The following GTF2IRD1 variants were observed in gnomAD, a reference collection of about 807,000 sequenced individuals.
GTF2IRD1 encodes the protein general transcription factor II-I repeat domain-containing protein 1.
Under a neutral mutation model 113.2 loss-of-function variants are expected in GTF2IRD1, and 26 were observed. The ratio of observed to expected loss-of-function variants is 0.23; its 90% CI spans 0.17 to 0.32. The LOEUF (loss-of-function observed/expected upper bound fraction) is 0.32, where lower values mean the gene tolerates loss of function less well. Ranked by LOEUF, GTF2IRD1 falls within the 10% of genes least tolerant of loss-of-function variation. The probability of loss-of-function intolerance (pLI) is 1.00; values close to 1 mark genes in which losing one functional copy is unlikely to be tolerated. For missense variants in GTF2IRD1, 864 were observed against 1,280.8 expected (o/e 0.67, Z 4.97); for synonymous variants, 484 against 529.1 (o/e 0.91, Z 1.17).
chr7:74,593,341 C>T (rs1475091631), intron 24 of GTF2IRD1, among the ~76,000 whole-genome samples: 29 of 143,786 alleles, frequency 2.0e-4, no homozygotes, highest in African/African-American at 7.2e-4. Context: ...TTTGGGAGGC[C>T]GAGGTGGGTG....
In GTF2IRD1 at chr7:74,548,227, C is replaced by G. The variant is rs377732547; in HGVS notation, c.1916+941C>G. Reference sequence around the variant, plus strand: ...GGTCAGGAGATCGAGACCATCCTGGCTAACACGGTGAAACCCCGTCTCTAC... The same window carrying G: ...GGTCAGGAGATCGAGACCATCCTGGGTAACACGGTGAAACCCCGTCTCTAC... On this transcript the variant is annotated intron_variant, in intron 17 of 26. Coordinates refer to ENST00000424337, the MANE Select transcript of GTF2IRD1 (RefSeq NM_005685.4). Among the ~76,000 whole-genome samples, 946 of 151,692 alleles carry G rather than the reference C, an allele frequency of 6.2e-3. 15 individuals are homozygous for G. Among genetic ancestry groups the G allele is most frequent in the African/African-American group, 0.021 (871 of 41,320 alleles).
At chr7:74,503,856 C>T (rs1312752672) in intron 1 of GTF2IRD1, among the ~76,000 whole-genome samples, 2 of 152,200 alleles carry the variant, frequency 1.3e-5, no homozygotes, top group African/African-American at 4.8e-5. Context: ...GATCTCGTCA[C>T]CCAGGCAGTG....
At chr7:74,530,241 CT>C (rs1421044543) in intron 9 of GTF2IRD1, among the ~76,000 whole-genome samples, 1 of 152,074 alleles carries the variant, frequency 6.6e-6, no homozygotes, top group Non-Finnish European at 1.5e-5. Flanking sequence ...GCGTAGGGGT[CT>C]GGCCTTCTGC....
At chr7:74,521,040 C>G (rs2130298839) in intron 6 of GTF2IRD1, among the ~76,000 whole-genome samples, 168 bp from the exon 7 acceptor site, 1 of 152,088 alleles carries the variant, frequency 6.6e-6, no homozygotes, top group East Asian at 1.9e-4. Context: ...ATGTCTTAGA[C>G]CTCTGGTCAG....
intron 22 of GTF2IRD1, among the ~76,000 whole-genome samples, chr7:74,575,147 G>T (rs1245036716): frequency 6.6e-6 from 1 of 152,066 alleles, no homozygotes; most frequent in African/African-American, 2.4e-5. Context: ...GTGGGGCGGG[G>T]GGATAAACAG....
chr7:74,534,792 A>G (rs1798191700), intron 9 of GTF2IRD1, among the ~76,000 whole-genome samples: 1 of 151,400 alleles, frequency 6.6e-6, no homozygotes, highest in Admixed American at 6.6e-5. Context: ...AGTCCCAGCT[A>G]CTCAGGAGGC....
intron 22 of GTF2IRD1, among the ~76,000 whole-genome samples, chr7:74,561,041 A>G (rs1799928019): frequency 6.6e-6 from 1 of 152,022 alleles, no homozygotes; most frequent in Non-Finnish European, 1.5e-5. Flanking sequence ...GGCAAGCACT[A>G]AGGGCTGGCC....
chr7:74,521,868 G>T (rs188873790), intron 7 of GTF2IRD1, among the ~76,000 whole-genome samples: 1 of 152,176 alleles, frequency 6.6e-6, no homozygotes, highest in Non-Finnish European at 1.5e-5. Context: ...GGGACTGGCC[G>T]AGTTGGGCAG....
Position 74,547,209 on chromosome 7 carries a change from C to T in GTF2IRD1, c.1839C>T (p.Arg613=), listed in dbSNP as rs1228943864. Residue 613 remains arginine (R), a synonymous_variant, in exon 17 of 27, where the codon CGC becomes CGT. Transcript: ENST00000424337. ...VVGLPEGISL[R]RPNCFGIAKL... ...GACTGCCTGAAGGCATCTCCCTCCG[C>T]AGGCCCAACTGCTTCGGGATCGCCA... is the stretch of plus-strand genomic sequence containing the variant. 6.2e-7 allele frequency: 1 copy of T among 1,613,606 alleles called. No individual in the cohort carries two copies. Among genetic ancestry groups the T allele is most frequent in the Non-Finnish European group, 8.5e-7 (1 of 1,179,840 alleles).
At chr7:74,459,565 T>C (rs1793227679) in intron 1 of GTF2IRD1, among the ~76,000 whole-genome samples, 1 of 152,040 alleles carries the variant, frequency 6.6e-6, no homozygotes, top group East Asian at 1.9e-4. Context: ...TGAACAGAAC[T>C]CTCTCGCCCC....
intron 1 of GTF2IRD1, among the ~76,000 whole-genome samples, chr7:74,480,480 A>T (rs1224894356): frequency 2.0e-5 from 3 of 152,140 alleles, no homozygotes; most frequent in African/African-American, 4.8e-5. Flanking sequence ...CCTGCTGGAG[A>T]GTCCCCGCCG....
chr7:74,602,139 G>A (rs1312252639), intron 26 of GTF2IRD1: 1 of 369,002 alleles, frequency 2.7e-6, no homozygotes, highest in African/African-American at 2.1e-5. Flanking sequence ...CTACTCGGGA[G>A]GCTGAGGCAG....
At chr7:74,561,417 A>T (rs1306516250) in intron 22 of GTF2IRD1, among the ~76,000 whole-genome samples, 1 of 150,178 alleles carries the variant, frequency 6.7e-6, no homozygotes, top group Non-Finnish European at 1.5e-5. Context: ...GGGAACCCCC[A>T]GAAGGGGGAT....
intron 21 of GTF2IRD1, 144 bp from the exon 22 acceptor site, chr7:74,559,483 C>A: frequency 1.4e-6 from 1 of 693,562 alleles, no homozygotes; most frequent in Non-Finnish European, 2.5e-6. Flanking sequence ...CACACAGAGC[C>A]CCAGGGCAGC....
At chr7:74,472,630 T>C (rs1222983719) in intron 1 of GTF2IRD1, among the ~76,000 whole-genome samples, 1 of 152,168 alleles carries the variant, frequency 6.6e-6, no homozygotes, top group Non-Finnish European at 1.5e-5. Context: ...GGGGTGCCTG[T>C]AATCCCAGCT....
intron 6 of GTF2IRD1, among the ~76,000 whole-genome samples, chr7:74,520,704 G>A (rs1160636694): frequency 1.4e-5 from 2 of 145,086 alleles, no homozygotes; most frequent in Non-Finnish European, 3.0e-5. Context: ...GGCTGAGGTG[G>A]AAGGATTGCT....
rs587717089 is a variant in GTF2IRD1, at chr7:74,574,269, C to T, written c.2320+14614C>T. Among the ~76,000 whole-genome samples, 28 of 149,932 alleles carry T rather than the reference C, an allele frequency of 1.9e-4. No individual in the cohort carries two copies. In the South Asian group the frequency reaches 1.9e-3, roughly 10 times the overall value. ...CACCTGCCTCGACCTCCCAAAGTGCCGGGATTACTGGTGTGAGCCACTGAG... is the reference window on the plus strand; with the variant it reads ...CACCTGCCTCGACCTCCCAAAGTGCTGGGATTACTGGTGTGAGCCACTGAG... On this transcript the variant is annotated intron_variant, in intron 22 of 26. Coordinates refer to ENST00000424337, the MANE Select transcript of GTF2IRD1 (RefSeq NM_005685.4).
intron 19 of GTF2IRD1, among the ~76,000 whole-genome samples, chr7:74,556,167 G>A (rs1426733680): frequency 2.0e-5 from 3 of 151,432 alleles, no homozygotes; most frequent in Admixed American, 1.3e-4. Flanking sequence ...CGGGAGAATC[G>A]CTTGAACCTG....
At chr7:74,540,669 C>A (rs372177189) in intron 14 of GTF2IRD1, among the ~76,000 whole-genome samples, 3 of 151,676 alleles carry the variant, frequency 2.0e-5, no homozygotes, top group African/African-American at 7.3e-5. Flanking sequence ...GTAAAATAGG[C>A]AGGGTAAGGT....
Sources: gnomAD v4.1 joint callset for allele counts (sites outside exome capture counted in the v4.1 genomes callset) on GRCh38, gnomAD v4.1.1 for gene constraint, MANE v1.5 for transcripts, NCBI Gene and HGNC (gene_info 2026-07-23, HGNC 2026-07-21) for gene names.